Variants in BTBD9 observed in about 807,000 individuals in gnomAD.
BTBD9 encodes the protein BTB/POZ domain-containing protein 9.
BTBD9 carries 49 observed loss-of-function variants against 64.3 expected under a neutral mutation model. That is an observed-to-expected ratio of 0.76 (90% CI 0.61 to 0.97). The LOEUF is 0.97. Among genes scored for constraint, BTBD9 ranks in the 50% least tolerant of loss-of-function variants. The pLI is 0.00. For missense variants in BTBD9, 598 were observed against 762.1 expected, an observed-to-expected ratio of 0.78 and a Z score of 2.53; for synonymous variants, 260 against 274.7, an observed-to-expected ratio of 0.95 and a Z score of 0.53.
chr6:38,262,425 CTTATTCTCATTGTGCAG>C (rs930906269), intron 8 of BTBD9, among the ~76,000 whole-genome samples: 2 of 151,476 alleles, frequency 1.3e-5, no homozygotes, highest in Admixed American at 6.6e-5. Context: ...TCCATCTTCC[CTTATTCTCATTGTGCAG>C]TTTCCCTAAA....
chr6:38,354,554 C>A (rs925669461), intron 6 of BTBD9, among the ~76,000 whole-genome samples: 2 of 152,116 alleles, frequency 1.3e-5, no homozygotes, highest in African/African-American at 2.4e-5. Flanking sequence ...CTGTTCCAGG[C>A]AATTGCTTCT....
intron 6 of BTBD9, among the ~76,000 whole-genome samples, chr6:38,543,273 C>G (rs552537972): frequency 6.6e-6 from 1 of 152,206 alleles, no homozygotes; most frequent in Non-Finnish European, 1.5e-5. Context: ...CTATAACCCA[C>G]CCTCACCACG....
intron 6 of BTBD9, among the ~76,000 whole-genome samples, chr6:38,442,456 C>G (rs957513311): frequency 6.6e-6 from 1 of 151,538 alleles, no homozygotes; most frequent in African/African-American, 2.4e-5. Flanking sequence ...GGCAAGAGAG[C>G]GAGACTTCAT....
At position 38,495,890 on chromosome 6, in the gene BTBD9, CTCTT is replaced by C. The variant is rs1402175250; in HGVS notation, c.1154+81706_1154+81709del. On this transcript the variant is annotated intron_variant, in intron 6 of 10. Coordinates refer to ENST00000481247, the MANE Select transcript of BTBD9 (RefSeq NM_001099272.2). ...TCCCATCTTAATTACTTTCTTCTGT[CTCTT>C]TCTTCATGTTTAAGTATTAAGAGCA... Among the ~76,000 whole-genome samples, 4 of 152,294 alleles carry C rather than the reference CTCTT, an allele frequency of 2.6e-5. No homozygotes were observed. In the East Asian group the frequency reaches 7.7e-4, roughly 29 times the overall value.
intron 7 of BTBD9, among the ~76,000 whole-genome samples, chr6:38,304,420 C>T (rs758629656): frequency 6.6e-6 from 1 of 151,988 alleles, no homozygotes; most frequent in Non-Finnish European, 1.5e-5. Flanking sequence ...GTGGCGGTCA[C>T]CTGTAATCCC....
intron 4 of BTBD9, among the ~76,000 whole-genome samples, chr6:38,585,938 CCACACACACACA>C (rs10660204): frequency 1.7e-4 from 24 of 140,864 alleles, no homozygotes; most frequent in Admixed American, 2.2e-4. Context: ...ACAGGACAGA[CCACACACACACA>C]CACACACACA....
At chr6:38,477,511 T>C (rs1770939628) in intron 6 of BTBD9, among the ~76,000 whole-genome samples, 1 of 92,380 alleles carries the variant, frequency 1.1e-5, no homozygotes, top group African/African-American at 3.0e-5. Context: ...GCAAACAGAG[T>C]TATCTTTATC....
chr6:38,274,984 T>C lies in BTBD9; in HGVS notation c.1454+13288A>G, dbSNP rs912993206. 5.3e-5 allele frequency among the ~76,000 whole-genome samples: 8 copies of C among 152,058 alleles called. No individual in the cohort carries two copies. In the East Asian group the frequency reaches 7.7e-4, roughly 15 times the overall value. On this transcript the variant is annotated intron_variant, in intron 8 of 10. Coordinates refer to ENST00000481247, the MANE Select transcript of BTBD9 (RefSeq NM_001099272.2). Reference sequence around the variant, plus strand: ...GCTACCAATGACTTTCTTCACAGAATTGGAAAAAACTACTTTAAAGTTCAT... The same window carrying C: ...GCTACCAATGACTTTCTTCACAGAACTGGAAAAAACTACTTTAAAGTTCAT...
intron 6 of BTBD9, among the ~76,000 whole-genome samples, chr6:38,517,858 T>C (rs971680406): frequency 2.6e-5 from 4 of 152,160 alleles, no homozygotes; most frequent in East Asian, 3.8e-4. Context: ...CTTACCCTTA[T>C]AGACTTGGAC....
chr6:38,624,196 T>C (rs1296599598), intron 1 of BTBD9, among the ~76,000 whole-genome samples: 1 of 152,104 alleles, frequency 6.6e-6, no homozygotes, highest in Non-Finnish European at 1.5e-5. Flanking sequence ...AAGGAGCCAA[T>C]TGCGGGGAGG....
chr6:38,365,661 G>A (rs1765155023), intron 6 of BTBD9, among the ~76,000 whole-genome samples: 1 of 152,078 alleles, frequency 6.6e-6, no homozygotes, highest in South Asian at 2.1e-4. Context: ...AGAAGACTGA[G>A]GTGGGAGGAT....
chr6:38,232,736 C>T (rs1233615072), intron 9 of BTBD9, among the ~76,000 whole-genome samples: 2 of 150,984 alleles, frequency 1.3e-5, no homozygotes, highest in South Asian at 2.1e-4. Flanking sequence ...TGGGCTCAAG[C>T]GATCTTCCCA....
At chr6:38,393,103 TAACCTCA>T (rs1766507563) in intron 6 of BTBD9, among the ~76,000 whole-genome samples, 3 of 152,168 alleles carry the variant, frequency 2.0e-5, no homozygotes, top group Admixed American at 1.3e-4. Context: ...CTTGAACTCC[TAACCTCA>T]GGTGATCCGT....
chr6:38,478,997 A>G (rs564626914), intron 6 of BTBD9, among the ~76,000 whole-genome samples: 1 of 152,342 alleles, frequency 6.6e-6, no homozygotes, highest in South Asian at 2.1e-4. Flanking sequence ...ATAGACTGAC[A>G]ATGCTTCAAT....
intron 4 of BTBD9, chr6:38,588,290 AC>A: frequency 1.8e-6 from 2 of 1,125,714 alleles, no homozygotes; most frequent in Non-Finnish European, 2.7e-6. Context: ...GCCACACAGT[AC>A]CAGGCAAGCA....
intron 6 of BTBD9, among the ~76,000 whole-genome samples, chr6:38,496,380 C>T (rs1771953804): frequency 1.3e-5 from 2 of 152,088 alleles, no homozygotes; most frequent in African/African-American, 4.8e-5. Flanking sequence ...CAGTGGTTCA[C>T]ACCTGTAACC....
chr6:38,356,846 C>G (rs941065428), intron 6 of BTBD9, among the ~76,000 whole-genome samples: 2 of 152,166 alleles, frequency 1.3e-5, no homozygotes, highest in African/African-American at 4.8e-5. Flanking sequence ...GTTTCTAACC[C>G]TTGCATGGAA....
At position 38,170,684 on chromosome 6, in the gene BTBD9, G is replaced by A. The variant is rs755794998; in HGVS notation, c.*4301C>T. On this transcript the variant is annotated 3_prime_UTR_variant, in exon 11 of 11. Coordinates refer to ENST00000481247, the MANE Select transcript of BTBD9 (RefSeq NM_001099272.2). ...ACTCTGAGCAAACACCAGGCACTAG[G>A]ACAACTTCTAATTTAATATTATAAT... The A allele has an allele frequency of 6.6e-6, 1 of 152,156 alleles. No individual in the cohort carries two copies. The highest frequency in any genetic ancestry group is 2.4e-5 in the African/African-American group (1 of 41,430). The allele number at this position is 152,156 out of a possible 1,614,324, so 9.4% of individuals were successfully genotyped here. A position where few individuals can be genotyped will look rare whatever the true frequency, so the allele number is the denominator to read the frequency against.
chr6:38,213,982 C>T (rs984848840), intron 9 of BTBD9, among the ~76,000 whole-genome samples: 62 of 148,376 alleles, frequency 4.2e-4, no homozygotes, highest in African/African-American at 1.5e-3. Flanking sequence ...GGTGACAGAG[C>T]GAGACTCCAT....
Sources: gnomAD v4.1 joint callset for allele counts (sites outside exome capture counted in the v4.1 genomes callset) on GRCh38, gnomAD v4.1.1 for gene constraint, MANE v1.5 for transcripts, NCBI Gene and HGNC (gene_info 2026-07-23, HGNC 2026-07-21) for gene names.